The following CUX1 variants were observed in gnomAD, a reference collection of about 807,000 sequenced individuals.
CUX1 encodes the protein protein CASP.
Under a neutral mutation model 158.8 loss-of-function variants are expected in CUX1, and 31 were observed. The observed-to-expected ratio is 0.20, with a 90% CI of 0.15 to 0.26. The LOEUF is 0.26. Among genes scored for constraint, CUX1 ranks in the 10% least tolerant of loss-of-function variants. The probability of loss-of-function intolerance (pLI) is 1.00; values close to 1 mark genes in which losing one functional copy is unlikely to be tolerated. For synonymous variants in CUX1, 879 were observed against 862.1 expected (o/e 1.02, Z -0.34); for missense variants, 1,589 against 2,014.6 (o/e 0.79, Z 4.04).
chr7:102,034,893 C>A (rs1286249515), intron 3 of CUX1, among the ~76,000 whole-genome samples: 1 of 151,948 alleles, frequency 6.6e-6, no homozygotes, highest in East Asian at 1.9e-4. Flanking sequence ...GAGATCGCGC[C>A]ACCGCACTCT....
intron 1 of CUX1, among the ~76,000 whole-genome samples, chr7:101,864,641 C>T (rs1797769702): frequency 6.6e-6 from 1 of 152,218 alleles, no homozygotes; most frequent in East Asian, 1.9e-4. Context: ...ACCTCTGCCT[C>T]CTAGGTTCAA....
intron 1 of CUX1, among the ~76,000 whole-genome samples, chr7:101,875,084 TGGG>T (rs1562954544): frequency 1.3e-5 from 2 of 152,102 alleles, no homozygotes; most frequent in South Asian, 2.1e-4. Context: ...CTTGTCCACT[TGGG>T]GGGCATGTCT....
chr7:102,229,806 C>T (rs1372010609), intron 21 of CUX1, among the ~76,000 whole-genome samples: 5 of 151,816 alleles, frequency 3.3e-5, no homozygotes, highest in African/African-American at 1.2e-4. Flanking sequence ...TCAGTAGAGA[C>T]AGAGTTTCAC....
chr7:102,089,573 T>C (rs966999632), intron 4 of CUX1, among the ~76,000 whole-genome samples: 1 of 152,222 alleles, frequency 6.6e-6, no homozygotes, highest in Non-Finnish European at 1.5e-5. Flanking sequence ...GTCCTTGCTC[T>C]TCAACAAGTG....
At chr7:102,199,934 G>A in intron 16 of CUX1, 137 bp from the exon 17 acceptor site, 2 of 616,078 alleles carry the variant, frequency 3.2e-6, no homozygotes, top group African/African-American at 1.9e-5. Context: ...GCAAACACAG[G>A]CCACTGGGAG....
chr7:101,976,900 A>ATTTTTTTTTTTTTTTTTTTTTTTTTT (rs10643207), intron 2 of CUX1, among the ~76,000 whole-genome samples: 1 of 39,462 alleles, frequency 2.5e-5, no homozygotes, highest in Non-Finnish European at 4.2e-5. Flanking sequence ...TCCCTTTCTG[A>ATTTTTTTTTTTTTTTTTTTTTTTTTT]TTTTTTTTTT....
intron 3 of CUX1, among the ~76,000 whole-genome samples, chr7:102,043,170 T>G (rs1251433330): frequency 6.6e-6 from 1 of 152,114 alleles, no homozygotes; most frequent in Admixed American, 6.6e-5. Flanking sequence ...AGGCTGGTCT[T>G]GAACTCCTGA....
Position 102,115,284 on chromosome 7 carries a change from C to T in CUX1, c.674+11C>T, listed in dbSNP as rs78218172. On this transcript the variant is annotated intron_variant, in intron 8 of 23. Coordinates refer to ENST00000292535, the MANE Select transcript of CUX1 (RefSeq NM_181552.4). The stretch of plus-strand genomic sequence containing the variant: ...AGAAACTACTGCAAAGTAAGTCTCT[C>T]TGCTTGGCCTCCCTTATCCGTACAC... 62,672 of 1,605,690 alleles carry T rather than the reference C, an allele frequency of 0.039. 1,430 individuals carry two copies. The highest frequency in any genetic ancestry group is 0.046 in the Non-Finnish European group (54,452 of 1,177,516).
intron 2 of CUX1, among the ~76,000 whole-genome samples, chr7:101,999,217 CTTTTTTTTTTTT>C (rs3988167): frequency 2.3e-5 from 2 of 85,838 alleles, no homozygotes; most frequent in South Asian, 5.2e-4. Context: ...TTTTTTTTAC[CTTTTTTTTTTTT>C]TTTTTTTTTT....
intron 7 of CUX1, among the ~76,000 whole-genome samples, chr7:102,113,786 G>A (rs1554491027): frequency 6.6e-6 from 1 of 151,960 alleles, no homozygotes; most frequent in East Asian, 1.9e-4. Context: ...GGCTGGTCTT[G>A]AAGTTCTGGC....
At chr7:102,186,237 G>A (rs953917367) in intron 11 of CUX1, among the ~76,000 whole-genome samples, 3 of 152,172 alleles carry the variant, frequency 2.0e-5, no homozygotes, top group Non-Finnish European at 1.5e-5. Context: ...TCACAGCAGG[G>A]TCACTAGAAT....
intron 1 of CUX1, among the ~76,000 whole-genome samples, chr7:101,863,654 G>A (rs1797685041): frequency 6.6e-6 from 1 of 152,098 alleles, no homozygotes. Context: ...CCCAGCCAGG[G>A]CTCTTTTTAT....
Position 102,193,762 on chromosome 7 carries a change from A to G in CUX1, c.1077-80A>G, listed in dbSNP as rs1055647349. 8 of 1,449,466 alleles carry G rather than the reference A, an allele frequency of 5.5e-6. No individual in the cohort carries two copies. In the East Asian group the frequency reaches 1.9e-4, roughly 35 times the overall value. 89.8% of individuals were successfully genotyped at this position (1,449,466 alleles called of 1,614,324 possible). A position where few individuals can be genotyped will look rare whatever the true frequency, so the allele number is the denominator to read the frequency against. On this transcript the variant is annotated intron_variant, in intron 12 of 23. Coordinates refer to ENST00000292535, the MANE Select transcript of CUX1 (RefSeq NM_181552.4). ...GGTTGCAGTGAGCCAATATCGCGCC[A>G]CTGCACTCTAGCCTGGGTGACAGAA...
intron 1 of CUX1, among the ~76,000 whole-genome samples, chr7:101,858,993 T>C (rs1033204270): frequency 3.9e-5 from 6 of 152,198 alleles, no homozygotes; most frequent in African/African-American, 1.4e-4. Flanking sequence ...AGTATTTTAA[T>C]TGAAGAAATC....
chr7:101,948,727 C>T (rs1241003844), intron 2 of CUX1, among the ~76,000 whole-genome samples: 1 of 152,200 alleles, frequency 6.6e-6, no homozygotes, highest in African/African-American at 2.4e-5. Flanking sequence ...TCAACCCGCC[C>T]TGGTACAGGA....
intron 1 of CUX1, chr7:101,824,762 C>T (rs1002359245): frequency 1.3e-5 from 2 of 151,970 alleles, no homozygotes; most frequent in Non-Finnish European, 2.9e-5. Context: ...TTCTACAGCT[C>T]CATTATTTTG....
chr7:101,983,215 A>G (rs930091993), intron 2 of CUX1, among the ~76,000 whole-genome samples: 2 of 152,238 alleles, frequency 1.3e-5, no homozygotes, highest in East Asian at 1.9e-4. Flanking sequence ...TGTTTTGAAT[A>G]TAAGATCTTT....
rs1162245616 is a variant in CUX1 at position 102,163,933 on chromosome 7, T to C, written c.723+5325T>C. On this transcript the variant is annotated intron_variant, in intron 9 of 23. Coordinates refer to ENST00000292535, the MANE Select transcript of CUX1 (RefSeq NM_181552.4). ...TTGCTCAACCACTGTGCTCCTGTTA[T>C]GGAGAAGTAGCAGAGGGGTCGGCAC... Among the ~76,000 whole-genome samples the C allele has an allele frequency of 3.3e-5, 5 of 152,302 alleles. No homozygotes were observed. The South Asian group carries it at 6.2e-4, about 19-fold the overall frequency.
intron 2 of CUX1, among the ~76,000 whole-genome samples, chr7:101,957,136 AAC>A (rs1457704596): frequency 3.3e-5 from 5 of 152,350 alleles, no homozygotes; most frequent in African/African-American, 1.2e-4. Flanking sequence ...AATATTTACT[AAC>A]ACAGAAAAGA....
Sources: allele counts gnomAD v4.1 joint callset (sites outside exome capture counted in the v4.1 genomes callset), GRCh38; gene constraint gnomAD v4.1.1; transcripts MANE v1.5; gene names NCBI Gene and HGNC (gene_info 2026-07-23, HGNC 2026-07-21).